Variants in PPIP5K2 observed in about 807,000 individuals in gnomAD.
PPIP5K2 encodes diphosphoinositol pentakisphosphate kinase 2.
PPIP5K2 carries 105 observed loss-of-function variants against 154.6 expected under a neutral mutation model. That is an observed-to-expected ratio of 0.68 (90% CI 0.58 to 0.80). The LOEUF is 0.80. Among genes scored for constraint, PPIP5K2 ranks in the 30% least tolerant of loss-of-function variants. The pLI is 0.00. For missense variants in PPIP5K2, 992 were observed against 1,504.6 expected (o/e 0.66, Z 5.64); for synonymous variants, 480 against 490.3 (o/e 0.98, Z 0.28).
In PPIP5K2 at chr5:103,202,662, C is replaced by A. The variant is rs1373322681; in HGVS notation, c.*1028C>A. On this transcript the variant is annotated 3_prime_UTR_variant, in exon 31 of 31. Coordinates refer to ENST00000358359, the MANE Select transcript of PPIP5K2 (RefSeq NM_001276277.3). Reference sequence around the variant, plus strand: ...TAGATTTTTGAAGGGATATTGAAATCATTGCGCTGTGATTTCATCTGTGAT... The same window carrying A: ...TAGATTTTTGAAGGGATATTGAAATAATTGCGCTGTGATTTCATCTGTGAT... 6.6e-6 allele frequency: 1 copy of A among 152,030 alleles called. No homozygotes were observed. Among genetic ancestry groups the A allele is most frequent in the African/African-American group, 2.4e-5 (1 of 41,408 alleles). 9.4% of individuals were successfully genotyped at this position (152,030 alleles called of 1,614,324 possible). A position where few individuals can be genotyped will look rare whatever the true frequency, so the allele number is the denominator to read the frequency against.
intron 5 of PPIP5K2, among the ~76,000 whole-genome samples, chr5:103,144,379 A>G (rs1230278300): frequency 3.9e-5 from 6 of 152,154 alleles, no homozygotes; most frequent in Non-Finnish European, 7.4e-5. Flanking sequence ...TACAGATTCA[A>G]TGCAGTCAGA....
chr5:103,158,407 A>G, intron 15 of PPIP5K2, 45 bp from the exon 16 acceptor site: 14 of 1,590,990 alleles, frequency 8.8e-6, no homozygotes, highest in East Asian at 2.2e-5. Flanking sequence ...TAGAAATACA[A>G]TGAAATGAAA....
At chr5:103,145,212 C>G (rs1793558000) in intron 5 of PPIP5K2, among the ~76,000 whole-genome samples, 2 of 152,088 alleles carry the variant, frequency 1.3e-5, no homozygotes. Context: ...GAGATATCAA[C>G]TCATCCAAGT....
intron 19 of PPIP5K2, among the ~76,000 whole-genome samples, chr5:103,170,171 G>T (rs1554219160): frequency 1.3e-5 from 2 of 151,492 alleles, no homozygotes; most frequent in African/African-American, 4.8e-5. Context: ...ATGTATTTCA[G>T]GTGTATTGTT....
At chr5:103,149,024 A>G in intron 7 of PPIP5K2, 128 bp from the exon 8 acceptor site, 1 of 712,270 alleles carries the variant, frequency 1.4e-6, no homozygotes, top group Non-Finnish European at 2.1e-6. Context: ...AAATAGAAAG[A>G]TGTGTCTACT....
intron 19 of PPIP5K2, among the ~76,000 whole-genome samples, chr5:103,171,016 A>G (rs1300089412): frequency 6.6e-6 from 1 of 151,552 alleles, no homozygotes; most frequent in Non-Finnish European, 1.5e-5. Flanking sequence ...AAATGATACT[A>G]TGCCTTAAAA....
chr5:103,124,813 A>G (rs781889132), intron 1 of PPIP5K2, among the ~76,000 whole-genome samples: 53 of 152,190 alleles, frequency 3.5e-4, no homozygotes, highest in Non-Finnish European at 6.9e-4. Context: ...CATACTTACA[A>G]TTCATTTATG....
At chr5:103,127,209 T>A (rs1424432732) in intron 1 of PPIP5K2, among the ~76,000 whole-genome samples, 1 of 152,242 alleles carries the variant, frequency 6.6e-6, no homozygotes, top group African/African-American at 2.4e-5. Context: ...AAAATGTGTG[T>A]ATACACACTC....
rs962063379 is a variant in PPIP5K2, at chr5:103,210,576, A to C, written c.*8942A>C. The C allele has an allele frequency of 5.9e-5, 9 of 151,946 alleles. No homozygotes were observed. Among genetic ancestry groups the C allele is most frequent in the African/African-American group, 4.8e-5 (2 of 41,376 alleles). The allele number at this position is 151,946 out of a possible 1,614,324, so 9.4% of individuals were successfully genotyped here. On this transcript the variant is annotated 3_prime_UTR_variant, in exon 31 of 31. Transcript: ENST00000358359. ...TGGTAGACTATCTGGGAGACTCTAG[A>C]ATCTTTACCATTCCCTCTACTATTC...
chr5:103,162,911 A>G (rs1414552864), intron 17 of PPIP5K2, among the ~76,000 whole-genome samples: 2 of 152,082 alleles, frequency 1.3e-5, no homozygotes, highest in Admixed American at 6.6e-5. Flanking sequence ...CTGCAACTAT[A>G]TATACATCTG....
intron 19 of PPIP5K2, among the ~76,000 whole-genome samples, chr5:103,168,844 GAAT>G (rs1272640911): frequency 6.6e-6 from 1 of 151,642 alleles, no homozygotes; most frequent in Non-Finnish European, 1.5e-5. Context: ...TACTCTTAGA[GAAT>G]AATAATATGT....
At position 103,210,866 on chromosome 5, in the gene PPIP5K2, T is replaced by C. The variant is rs1803769426; in HGVS notation, c.*9232T>C. On this transcript the variant is annotated 3_prime_UTR_variant, in exon 31 of 31. Transcript: ENST00000358359. ...ATTTAGTTCTGGATTTTGTTTGATA[T>C]TGTGAATGCAAACTATTTTTTTGTG... 1 of 152,158 alleles carries C rather than the reference T, an allele frequency of 6.6e-6. No homozygotes were observed. Among genetic ancestry groups the C allele is most frequent in the Non-Finnish European group, 1.5e-5 (1 of 68,000 alleles). The allele number at this position is 152,158 out of a possible 1,614,324, so 9.4% of individuals were successfully genotyped here. A position where few individuals can be genotyped will look rare whatever the true frequency, so the allele number is the denominator to read the frequency against.
intron 3 of PPIP5K2, among the ~76,000 whole-genome samples, chr5:103,135,067 C>T (rs1415819281): frequency 6.6e-6 from 1 of 152,096 alleles, no homozygotes; most frequent in Admixed American, 6.5e-5. Flanking sequence ...CTTAGTATTC[C>T]ATAGTTGAAT....
At chr5:103,130,894 T>C (rs539684134) in intron 2 of PPIP5K2, among the ~76,000 whole-genome samples, 1 of 152,322 alleles carries the variant, frequency 6.6e-6, no homozygotes, top group East Asian at 1.9e-4. Flanking sequence ...GTCTCATCTA[T>C]ATCTACATCC....
intron 26 of PPIP5K2, among the ~76,000 whole-genome samples, chr5:103,185,213 T>C (rs1800174041): frequency 6.6e-6 from 1 of 152,174 alleles, no homozygotes; most frequent in South Asian, 2.1e-4. Flanking sequence ...TAATGCACAG[T>C]GGCAGTCTCA....
At chr5:103,132,311 G>A (rs185192571) in intron 2 of PPIP5K2, among the ~76,000 whole-genome samples, 244 of 152,272 alleles carry the variant, frequency 1.6e-3, no homozygotes, top group Middle Eastern at 6.8e-3. Flanking sequence ...GGAGGCCGAA[G>A]CAGACAGATC....
intron 21 of PPIP5K2, 138 bp downstream of exon 21, chr5:103,174,110 A>G (rs782503966): frequency 6.3e-5 from 38 of 603,776 alleles, no homozygotes; most frequent in African/African-American, 1.1e-4. Context: ...AGGGACTACT[A>G]TATACCAAGC....
At position 103,177,785 on chromosome 5, in the gene PPIP5K2, C is replaced by G; in HGVS notation, c.2637+11C>G. Reference sequence around the variant, plus strand: ...GAGGATCCTAATAAGGTAAACAGAGCTCTTGATTTGTGTTTTACCAGACAT... The same window carrying G: ...GAGGATCCTAATAAGGTAAACAGAGGTCTTGATTTGTGTTTTACCAGACAT... On this transcript the variant is annotated intron_variant, in intron 22 of 30. Coordinates refer to ENST00000358359, the MANE Select transcript of PPIP5K2 (RefSeq NM_001276277.3). The G allele has an allele frequency of 1.9e-6, 3 of 1,598,800 alleles. No homozygotes were observed. The highest frequency in any genetic ancestry group is 1.3e-5 in the African/African-American group (1 of 74,532).
chr5:103,173,387 G>A (rs2149703487), intron 20 of PPIP5K2, 105 bp downstream of exon 20: 2 of 1,277,460 alleles, frequency 1.6e-6, no homozygotes, highest in Non-Finnish European at 2.1e-6. Flanking sequence ...TGTGTCATTG[G>A]CATACTGTGA....
Sources: allele counts gnomAD v4.1 joint callset (sites outside exome capture counted in the v4.1 genomes callset), GRCh38; gene constraint gnomAD v4.1.1; transcripts MANE v1.5; gene names NCBI Gene and HGNC (gene_info 2026-07-23, HGNC 2026-07-21).